Variants in NOS3 observed in about 807,000 individuals in gnomAD.
The protein encoded by NOS3 is NOS type III.
NOS3 carries 98 observed loss-of-function variants against 144.9 expected under a neutral mutation model. That is an observed-to-expected ratio of 0.68 (90% CI 0.57 to 0.80). The LOEUF (loss-of-function observed/expected upper bound fraction) is 0.80. Among genes scored for constraint, NOS3 ranks in the 30% least tolerant of loss-of-function variants. The pLI is 0.00. For missense variants in NOS3, 1,465 were observed against 1,656.4 expected (o/e 0.88, Z 2.01); for synonymous variants, 714 against 702.4 (o/e 1.02, Z -0.26).
Position 151,013,376 on chromosome 7 carries a change from C to T in NOS3, c.3252C>T (p.Pro1084=). Residue 1084 remains proline (P), a synonymous_variant, in exon 25 of 27, where the codon CCC becomes CCT. Transcript: ENST00000297494. Reference sequence around the variant, plus strand: ...CCTTCTCCCGGGAACCTGACAACCCCAAGGTGTGAGACCCTGAGGGCGCAA... The same window carrying T: ...CCTTCTCCCGGGAACCTGACAACCCTAAGGTGTGAGACCCTGAGGGCGCAA... The part of the protein sequence containing the change: ...LTAFSREPDN[P]KTYVQDILRT... 1 of 1,612,716 alleles carries T rather than the reference C, an allele frequency of 6.2e-7. No homozygotes were observed. Among genetic ancestry groups the T allele is most frequent in the Non-Finnish European group, 8.5e-7 (1 of 1,179,312 alleles).
chr7:150,993,777 C>T lies in NOS3; in HGVS notation c.-27C>T, dbSNP rs768650220. On this transcript the variant is annotated 5_prime_UTR_variant, in exon 2 of 27. Coordinates refer to ENST00000297494, the MANE Select transcript of NOS3 (RefSeq NM_000603.5). The surrounding 1 kb of genome is among the most constrained non-coding windows in gnomAD (Gnocchi z 4.0). Reference sequence around the variant, plus strand: ...GGAAAAGGCCAGGGCTCTGCTGGAGCAGGCAGCAGAGTGGACGCACAGTAA... The same window carrying T: ...GGAAAAGGCCAGGGCTCTGCTGGAGTAGGCAGCAGAGTGGACGCACAGTAA... The T allele has an allele frequency of 1.9e-6, 3 of 1,573,604 alleles. No homozygotes were observed. Among genetic ancestry groups the T allele is most frequent in the Non-Finnish European group, 2.6e-6 (3 of 1,167,168 alleles).
At chr7:151,011,265 A>C (rs1795298548) in intron 23 of NOS3, among the ~76,000 whole-genome samples, 1 of 151,816 alleles carries the variant, frequency 6.6e-6, no homozygotes. Context: ...GTTCCTCTCT[A>C]TGTCCCTGGG....
chr7:151,005,808 G>C (rs540445086), intron 14 of NOS3, among the ~76,000 whole-genome samples: 1 of 152,164 alleles, frequency 6.6e-6, no homozygotes, highest in Non-Finnish European at 1.5e-5. Context: ...CCGGAGGATC[G>C]CTTGAGCCCA....
chr7:150,997,563 C>T (rs1802460427), intron 5 of NOS3, among the ~76,000 whole-genome samples: 1 of 152,214 alleles, frequency 6.6e-6, no homozygotes, highest in Non-Finnish European at 1.5e-5. Flanking sequence ...AAGCAAGCTG[C>T]CCCATGGGGG....
chr7:150,999,863 G>T (rs1327374019), intron 9 of NOS3, among the ~76,000 whole-genome samples: 1 of 129,904 alleles, frequency 7.7e-6, no homozygotes. Flanking sequence ...GTTTGTAGGG[G>T]TAGGCGAGTG....
At position 150,998,079 on chromosome 7, in the gene NOS3, G is replaced by C. The variant is rs1056083217; in HGVS notation, c.583-278G>C. 2.0e-5 allele frequency among the ~76,000 whole-genome samples: 3 copies of C among 152,194 alleles called. No homozygotes were observed. Among genetic ancestry groups the C allele is most frequent in the South Asian group, 4.1e-4 (2 of 4,834 alleles). On this transcript the variant is annotated intron_variant, in intron 5 of 26. Transcript: ENST00000297494. The surrounding 1 kb of genome is among the most constrained non-coding windows in gnomAD (Gnocchi z 5.0). ...TGGTGCCTAACCCAAGCATCAGTTT[G>C]GCAGAGGCCGAGTCCCTCCTCTGTA...
chr7:151,014,352 C>A lies in NOS3; in HGVS notation c.*183C>A. Reference sequence around the variant, plus strand: ...AAACGCCTCTTTTCCCTCTCTAGGCCTGTTGCCTCGGGCCTGGGTCCGCCT... The same window carrying A: ...AAACGCCTCTTTTCCCTCTCTAGGCATGTTGCCTCGGGCCTGGGTCCGCCT... On this transcript the variant is annotated 3_prime_UTR_variant, in exon 27 of 27. Coordinates refer to ENST00000297494, the MANE Select transcript of NOS3 (RefSeq NM_000603.5). 1.5e-6 allele frequency: 1 copy of A among 679,282 alleles called. No homozygotes were observed. Among genetic ancestry groups the A allele is most frequent in the Non-Finnish European group, 2.4e-6 (1 of 422,188 alleles). 42.1% of individuals were successfully genotyped at this position (679,282 alleles called of 1,614,324 possible). A position where few individuals can be genotyped will look rare whatever the true frequency, so the allele number is the denominator to read the frequency against.
Position 150,995,208 on chromosome 7 carries a change from C to G in NOS3, c.164C>G (p.Pro55Arg). 7.5e-6 allele frequency: 12 copies of G among 1,598,886 alleles called. No homozygotes were observed. The highest frequency in any genetic ancestry group is 1.0e-5 in the Non-Finnish European group (12 of 1,168,058). Residue 55 changes from proline to arginine, a missense_variant, in exon 3 of 27, where the codon CCG becomes CGG. Transcript: ENST00000297494. ...LLPPAPEHSP[P>R]SSPLTQPPEG... ...CTATCCCTGGCTCCCAACAGCCCCC[C>G]GAGCTCCCCGCTAACCCAGCCCCCA...
In NOS3 at chr7:151,002,239, C is replaced by T. The variant is rs757563980; in HGVS notation, c.1687C>T (p.His563Tyr). ...MDEYDVVSLEHETLVLVVTST... is the reference protein window; with the variant it reads ...MDEYDVVSLEYETLVLVVTST... ...TGAGTATGACGTGGTGTCCCTCGAA[C>T]ACGAGACGCTGGTGCTGGTGGTAAC... The change falls in exon 14 of 27, where the codon CAC becomes TAC. Residue 563 changes from histidine (H) to tyrosine (Y), a missense_variant. Physicochemically the swap from His to Tyr is moderately conservative, Grantham distance 83 (BLOSUM62 2). Transcript: ENST00000297494. The surrounding 1 kb of genome is among the most constrained non-coding windows in gnomAD (Gnocchi z 4.1). The T allele has an allele frequency of 1.2e-6, 2 of 1,601,722 alleles. No individual in the cohort carries two copies. The highest frequency in any genetic ancestry group is 2.2e-5 in the East Asian group (1 of 44,640).
At chr7:150,992,665 G>A (rs1340228063) in intron 1 of NOS3, among the ~76,000 whole-genome samples, 3 of 151,592 alleles carry the variant, frequency 2.0e-5, no homozygotes, top group Admixed American at 6.6e-5. Flanking sequence ...TTTCAGAGGA[G>A]TCTGGCCAAC....
chr7:151,008,672 C>G (rs1259590125), intron 17 of NOS3, among the ~76,000 whole-genome samples: 1 of 152,174 alleles, frequency 6.6e-6, no homozygotes, highest in African/African-American at 2.4e-5. Flanking sequence ...CTATGCTTCT[C>G]GGATCACGGG....
chr7:151,006,291 G>A (rs902214455), intron 14 of NOS3, 136 bp from the exon 15 acceptor site: 13 of 742,182 alleles, frequency 1.8e-5, no homozygotes, highest in East Asian at 1.5e-4. Context: ...ACATCAGATC[G>A]CTTTTGAAAT....
chr7:151,007,286 G>C lies in NOS3; in HGVS notation c.2112+10G>C. The C allele has an allele frequency of 6.3e-7, 1 of 1,589,806 alleles. No homozygotes were observed. Among genetic ancestry groups the C allele is most frequent in the Non-Finnish European group, 8.5e-7 (1 of 1,173,106 alleles). ...CCAGGCTGCCTTCCAGGTGAGCCCA[G>C]CCCAGCCCCTGCTCTGACTCCTGCC... is the stretch of plus-strand genomic sequence containing the variant. On this transcript the variant is annotated intron_variant, in intron 17 of 26. Transcript: ENST00000297494.
Position 151,010,808 on chromosome 7 carries a change from G to A in NOS3, c.2896+1G>A. On this transcript the variant is annotated splice_donor_variant, in intron 22 of 26. Coordinates refer to ENST00000297494, the MANE Select transcript of NOS3 (RefSeq NM_000603.5). LOFTEE classifies it high-confidence loss of function. ...GCTGTGCTGGCATACAGGACTCAGG[G>A]TGAGGCAACAAGCAGGAGCAGGCCT... is the stretch of plus-strand genomic sequence containing the variant. 1.2e-6 allele frequency: 2 copies of A among 1,610,592 alleles called. No individual in the cohort carries two copies. The highest frequency in any genetic ancestry group is 8.5e-7 in the Non-Finnish European group (1 of 1,178,438).
chr7:151,014,153 A>T lies in NOS3; in HGVS notation c.3596A>T (p.Asp1199Val), dbSNP rs1323427632. 1.2e-6 allele frequency: 2 copies of T among 1,607,420 alleles called. No individual in the cohort carries two copies. Among genetic ancestry groups the T allele is most frequent in the Non-Finnish European group, 1.7e-6 (2 of 1,175,706 alleles). Reference sequence around the variant, plus strand: ...TGGGCGTTCGACCCTCCCGGCTCAGACACCAACAGCCCCTGAGAGCCGCCT... The same window carrying T: ...TGGGCGTTCGACCCTCCCGGCTCAGTCACCAACAGCCCCTGAGAGCCGCCT... ...VPWAFDPPGS[D>V]TNSP Residue 1199 changes from aspartate (D) to valine (V), a missense_variant, in exon 27 of 27, where the codon GAC becomes GTC. By Grantham distance (152) the Asp-to-Val change is radical (BLOSUM62 -3). Transcript: ENST00000297494.
At position 151,003,510 on chromosome 7, in the gene NOS3, T is replaced by G; in HGVS notation, c.1752+1206T>G. The G allele has an allele frequency of 8.0e-7, 1 of 1,256,146 alleles. No homozygotes were observed. Among genetic ancestry groups the G allele is most frequent in the Non-Finnish European group, 1.0e-6 (1 of 964,748 alleles). The allele number at this position is 1,256,146 out of a possible 1,614,324, so 77.8% of individuals were successfully genotyped here. A position where few individuals can be genotyped will look rare whatever the true frequency, so the allele number is the denominator to read the frequency against. On this transcript the variant is annotated intron_variant, in intron 14 of 26. Transcript: ENST00000297494. The surrounding 1 kb of genome is among the most constrained non-coding windows in gnomAD (Gnocchi z 4.1). ...TTCAGCCCTCATTCTGACCTACCTT[T>G]TCAAGAAAAATAGCACCAGCAATTG...
In NOS3 at chr7:150,993,996, A is replaced by G; in HGVS notation, c.158+35A>G. 6.5e-7 allele frequency: 1 copy of G among 1,537,134 alleles called. No homozygotes were observed. Among genetic ancestry groups the G allele is most frequent in the African/African-American group, 1.4e-5 (1 of 72,846 alleles). The stretch of plus-strand genomic sequence containing the variant: ...AGGCAGCTAGGAGCAGGTGGGCAAC[A>G]AGGGTGGTGTCAAGGCCTGAAGCCT... On this transcript the variant is annotated intron_variant, in intron 2 of 26. Coordinates refer to ENST00000297494, the MANE Select transcript of NOS3 (RefSeq NM_000603.5). This position sits in a 1 kb window ranked among gnomAD's most constrained non-coding sequence, Gnocchi z 4.0.
chr7:151,012,449 G>A lies in NOS3; in HGVS notation c.3083G>A (p.Arg1028Gln), dbSNP rs1563234049. ...IAPFRGFWQE[R>Q]LHDIESKGLQ... ...CCCTTCCGGGGATTCTGGCAGGAGC[G>A]GCTGCATGACATTGAGAGCAAAGGT... The change falls in exon 24 of 27, where the codon CGG becomes CAG. Residue 1028 changes from arginine to glutamine, a missense_variant. Physicochemically the swap from Arg to Gln is conservative, Grantham distance 43. Transcript: ENST00000297494. 5 of 1,611,918 alleles carry A rather than the reference G, an allele frequency of 3.1e-6. No homozygotes were observed. Among genetic ancestry groups the A allele is most frequent in the South Asian group, 1.1e-5 (1 of 90,408 alleles).
intron 25 of NOS3, 42 bp from the exon 26 acceptor site, chr7:151,013,682 C>G: frequency 7.0e-7 from 1 of 1,431,742 alleles, no homozygotes; most frequent in Non-Finnish European, 9.5e-7. Flanking sequence ...CGCCCCCGCG[C>G]CCACCCCCAC....
Sources: gnomAD v4.1 joint callset for allele counts (sites outside exome capture counted in the v4.1 genomes callset) on GRCh38, gnomAD v4.1.1 for gene constraint, Gnocchi (gnomAD v3.1) non-coding constraint, MANE v1.5 for transcripts, NCBI Gene and HGNC (gene_info 2026-07-23, HGNC 2026-07-21) for gene names.